Variants in SCFD2 observed in about 807,000 individuals in gnomAD.
SCFD2 encodes sec1 family domain-containing protein 2.
SCFD2 carries 54 observed loss-of-function variants against 58.9 expected under a neutral mutation model. The observed-to-expected ratio is 0.92, with a 90% CI of 0.74 to 1.15. SCFD2 has a LOEUF of 1.15. SCFD2 is among the 50% of genes most tolerant of loss of function. SCFD2 has a pLI of 0.00. For missense variants in SCFD2, 805 were observed against 836.6 expected, an observed-to-expected ratio of 0.96 and a Z score of 0.47; for synonymous variants, 321 against 335.9, an observed-to-expected ratio of 0.96 and a Z score of 0.49.
intron 4 of SCFD2, among the ~76,000 whole-genome samples, chr4:53,233,490 C>T (rs1729502621): frequency 6.6e-6 from 1 of 152,174 alleles, no homozygotes; most frequent in African/African-American, 2.4e-5. Context: ...AATTGTTAGC[C>T]TTAAACTTAC....
intron 5 of SCFD2, among the ~76,000 whole-genome samples, chr4:53,087,379 G>T (rs1212261280): frequency 6.6e-6 from 1 of 152,138 alleles, no homozygotes; most frequent in Non-Finnish European, 1.5e-5. Context: ...CTGTCACCTA[G>T]GCTGGAGTGT....
intron 5 of SCFD2, among the ~76,000 whole-genome samples, chr4:52,972,858 G>A (rs1257426487): frequency 6.6e-6 from 1 of 152,204 alleles, no homozygotes; most frequent in Non-Finnish European, 1.5e-5. Flanking sequence ...TCAGGATTAA[G>A]AAACTCACTC....
chr4:52,971,476 G>A (rs528753720), intron 5 of SCFD2, among the ~76,000 whole-genome samples: 3 of 152,040 alleles, frequency 2.0e-5, no homozygotes, highest in Admixed American at 6.6e-5. Flanking sequence ...AAAAAGAATA[G>A]AAAGAAATGA....
At chr4:53,213,102 G>A (rs1728676063) in intron 4 of SCFD2, among the ~76,000 whole-genome samples, 1 of 152,060 alleles carries the variant, frequency 6.6e-6, no homozygotes, top group Non-Finnish European at 1.5e-5. Flanking sequence ...TTCTAGCAAT[G>A]ATAATCACGA....
intron 8 of SCFD2, among the ~76,000 whole-genome samples, chr4:52,883,195 C>G (rs1183260366): frequency 3.3e-5 from 5 of 152,198 alleles, no homozygotes; most frequent in Non-Finnish European, 7.3e-5. Flanking sequence ...CTCTAAAAAG[C>G]AGGAAGCTGG....
intron 7 of SCFD2, among the ~76,000 whole-genome samples, chr4:52,900,995 C>G (rs1324173056): frequency 2.0e-5 from 3 of 152,176 alleles, no homozygotes; most frequent in Non-Finnish European, 4.4e-5. Context: ...ATTGGAAGAG[C>G]ACAGTATTAG....
At chr4:53,116,983 A>C (rs1725342975) in intron 5 of SCFD2, among the ~76,000 whole-genome samples, 1 of 152,216 alleles carries the variant, frequency 6.6e-6, no homozygotes, top group South Asian at 2.1e-4. Flanking sequence ...AAGAAAACCA[A>C]AGATGCAAGA....
intron 5 of SCFD2, among the ~76,000 whole-genome samples, chr4:53,029,315 G>T (rs1722559186): frequency 6.6e-6 from 1 of 152,188 alleles, no homozygotes. Context: ...TCCAACCCTG[G>T]TGAGTTCCAC....
At chr4:53,219,488 C>A (rs1340950037) in intron 4 of SCFD2, among the ~76,000 whole-genome samples, 1 of 152,182 alleles carries the variant, frequency 6.6e-6, no homozygotes, top group Non-Finnish European at 1.5e-5. Flanking sequence ...GTTGGAAAAG[C>A]ACAGTATTAC....
intron 3 of SCFD2, among the ~76,000 whole-genome samples, chr4:53,287,013 T>TGACGTTCTA: frequency 6.6e-6 from 1 of 152,236 alleles, no homozygotes; most frequent in East Asian, 1.9e-4. Context: ...CCCCAGGGCC[T>TGACGTTCTA]GACGTTCTAG....
chr4:53,203,946 T>G (rs1197042624), intron 4 of SCFD2, among the ~76,000 whole-genome samples: 1 of 152,168 alleles, frequency 6.6e-6, no homozygotes, highest in East Asian at 1.9e-4. Flanking sequence ...AATTATTAAC[T>G]GAATGTACAC....
At chr4:53,192,890 G>T (rs1727954480) in intron 4 of SCFD2, among the ~76,000 whole-genome samples, 1 of 152,054 alleles carries the variant, frequency 6.6e-6, no homozygotes, top group African/African-American at 2.4e-5. Context: ...CATCTTATAA[G>T]AATCTTTAAG....
chr4:53,175,872 T>C (rs1727312735), intron 4 of SCFD2, among the ~76,000 whole-genome samples: 1 of 152,152 alleles, frequency 6.6e-6, no homozygotes, highest in Admixed American at 6.5e-5. Flanking sequence ...CCATAACACA[T>C]AAGGAATCTT....
At chr4:52,997,778 T>G (rs1316163162) in intron 5 of SCFD2, among the ~76,000 whole-genome samples, 1 of 152,152 alleles carries the variant, frequency 6.6e-6, no homozygotes, top group Non-Finnish European at 1.5e-5. Flanking sequence ...AAACCCCAAC[T>G]ATTTGATGAG....
chr4:53,352,834 T>G, intron 1 of SCFD2, 68 bp from the exon 2 acceptor site: 1 of 1,298,810 alleles, frequency 7.7e-7, no homozygotes, highest in East Asian at 2.3e-5. Context: ...ATAAATGTTT[T>G]ATCACACACC....
At chr4:53,119,521 G>C (rs559626168) in intron 5 of SCFD2, among the ~76,000 whole-genome samples, 1 of 152,200 alleles carries the variant, frequency 6.6e-6, no homozygotes, top group East Asian at 1.9e-4. Flanking sequence ...TCTGCCCAAA[G>C]TAAGTAAGGG....
At chr4:53,163,081 G>A (rs1726902896) in intron 4 of SCFD2, among the ~76,000 whole-genome samples, 1 of 152,044 alleles carries the variant, frequency 6.6e-6, no homozygotes, top group African/African-American at 2.4e-5. Flanking sequence ...TGACCTCCCT[G>A]CAGAAACCTG....
chr4:53,254,569 C>A (rs542678988), intron 4 of SCFD2, among the ~76,000 whole-genome samples: 2 of 151,126 alleles, frequency 1.3e-5, no homozygotes, highest in Admixed American at 6.6e-5. Context: ...GAACCCCTGA[C>A]CTCAGGTGAT....
At chr4:53,344,454 A>G (rs1328692967) in intron 2 of SCFD2, among the ~76,000 whole-genome samples, 1 of 152,214 alleles carries the variant, frequency 6.6e-6, no homozygotes, top group Non-Finnish European at 1.5e-5. Context: ...AAAAGAGGAC[A>G]CAAACAAATG....
Sources: allele counts gnomAD v4.1 joint callset (sites outside exome capture counted in the v4.1 genomes callset), GRCh38; gene constraint gnomAD v4.1.1; transcripts MANE v1.5; gene names NCBI Gene and HGNC (gene_info 2026-07-23, HGNC 2026-07-21).